The following GSK3B variants were observed in gnomAD, a reference collection of about 807,000 sequenced individuals.
GSK3B encodes glycogen synthase kinase 3 beta.
Under a neutral mutation model 56.4 loss-of-function variants are expected in GSK3B, and 15 were observed. The ratio of observed to expected loss-of-function variants is 0.27; its 90% CI spans 0.18 to 0.41. GSK3B has a LOEUF of 0.41. Ranked by LOEUF, GSK3B falls within the 10% of genes least tolerant of loss-of-function variation. GSK3B has a pLI of 1.00. For synonymous variants in GSK3B, 181 were observed against 188.9 expected (o/e 0.96, Z 0.34); for missense variants, 300 against 513.4 (o/e 0.58, Z 4.02).
chr3:119,849,872 A>G (rs2055903579), intron 9 of GSK3B, among the ~76,000 whole-genome samples: 1 of 151,972 alleles, frequency 6.6e-6, no homozygotes, highest in Non-Finnish European at 1.5e-5. Context: ...CTGGAGTACA[A>G]TGATGTGATC....
In GSK3B at chr3:119,936,404, T is replaced by TTACC. The variant is rs376065674; in HGVS notation, c.366+10863_366+10864insGGTA. Among the ~76,000 whole-genome samples, 162 of 149,106 alleles carry TTACC rather than the reference T, an allele frequency of 1.1e-3. 1 individual carries two copies. Among genetic ancestry groups the TTACC allele is most frequent in the African/African-American group, 4.0e-3 (159 of 39,862 alleles). On this transcript the variant is annotated intron_variant, in intron 3 of 10. Transcript: ENST00000264235. The stretch of plus-strand genomic sequence containing the variant: ...CTCTGTCACCCAGGCTGGAGTGCAG[T>TTACC]GGTAGGATCTCAGCTCACTTCAACC...
At chr3:120,068,756 G>A (rs1000066786) in intron 1 of GSK3B, among the ~76,000 whole-genome samples, 5 of 150,460 alleles carry the variant, frequency 3.3e-5, no homozygotes, top group African/African-American at 1.2e-4. Flanking sequence ...TAGTAGTAAC[G>A]GTATAGAAAA....
At chr3:119,835,081 T>C (rs1312940699) in intron 10 of GSK3B, among the ~76,000 whole-genome samples, 1 of 152,182 alleles carries the variant, frequency 6.6e-6, no homozygotes, top group Non-Finnish European at 1.5e-5. Context: ...AGGAAATGGA[T>C]GCAACACTGT....
intron 2 of GSK3B, among the ~76,000 whole-genome samples, chr3:119,960,640 C>G (rs1008616069): frequency 6.6e-6 from 1 of 152,130 alleles, no homozygotes; most frequent in African/African-American, 2.4e-5. Context: ...TGAATATCAG[C>G]CCCCCTCACA....
rs543825149 is a variant in GSK3B at position 120,091,535 on chromosome 3, G to A, written c.88+1812C>T. ...TCCCAAAATGTAGCATTATAATCTA[G>A]CATTACAGATCTCTGAAATAAAGCT... is the stretch of plus-strand genomic sequence containing the variant. On this transcript the variant is annotated intron_variant, in intron 1 of 10. Transcript: ENST00000264235. Among the ~76,000 whole-genome samples the A allele has an allele frequency of 3.9e-5, 6 of 152,190 alleles. No individual in the cohort carries two copies. The South Asian group carries it at 1.0e-3, about 26-fold the overall frequency.
chr3:120,077,796 G>A (rs993324285), intron 1 of GSK3B, among the ~76,000 whole-genome samples: 2 of 151,750 alleles, frequency 1.3e-5, no homozygotes, highest in South Asian at 4.2e-4. Context: ...TAAATTAATT[G>A]CTTACTATTG....
intron 1 of GSK3B, among the ~76,000 whole-genome samples, chr3:120,053,516 T>C (rs562215012): frequency 4.9e-4 from 74 of 152,294 alleles, no homozygotes; most frequent in African/African-American, 1.8e-3. Flanking sequence ...GGGACTACTA[T>C]TGCTAGGACC....
At chr3:120,089,784 A>T (rs996258615) in intron 1 of GSK3B, among the ~76,000 whole-genome samples, 7 of 152,226 alleles carry the variant, frequency 4.6e-5, no homozygotes, top group African/African-American at 1.7e-4. Flanking sequence ...ATGGAGTAAA[A>T]TATCATGTGA....
At chr3:119,967,122 AGGCTGGAGTGCAGT>A (rs1052549055) in intron 2 of GSK3B, among the ~76,000 whole-genome samples, 207 of 151,966 alleles carry the variant, frequency 1.4e-3, no homozygotes, top group African/African-American at 4.5e-3. Context: ...TCTGTTGCCC[AGGCTGGAGTGCAGT>A]GGCCTGAACT....
chr3:120,055,433 C>T lies in GSK3B; in HGVS notation c.88+37914G>A, dbSNP rs143052535. Among the ~76,000 whole-genome samples, 82 of 152,148 alleles carry T rather than the reference C, an allele frequency of 5.4e-4. No homozygotes were observed. In the East Asian group the frequency reaches 0.011, roughly 21 times the overall value. ...TCAATATCACTTTTCATATTCAAAG[C>T]GACAAAATATTCTTTTTTGGTTTAT... is the stretch of plus-strand genomic sequence containing the variant. On this transcript the variant is annotated intron_variant, in intron 1 of 10. Transcript: ENST00000264235.
intron 8 of GSK3B, among the ~76,000 whole-genome samples, chr3:119,865,726 C>T (rs1027976765): frequency 1.4e-4 from 22 of 151,866 alleles, no homozygotes; most frequent in African/African-American, 5.1e-4. Flanking sequence ...GCCTCGGCCT[C>T]CCAAAGTGCT....
chr3:120,041,260 G>A, intron 1 of GSK3B: 1 of 254,970 alleles, frequency 3.9e-6, no homozygotes, highest in Non-Finnish European at 8.1e-6. Flanking sequence ...AAGCAGCTGG[G>A]CATCCCTGCA....
At chr3:119,963,561 T>C (rs2107507872) in intron 2 of GSK3B, among the ~76,000 whole-genome samples, 1 of 134,392 alleles carries the variant, frequency 7.4e-6, no homozygotes, top group South Asian at 2.2e-4. Context: ...GAGATTGCAG[T>C]GAGCTGAAAT....
At chr3:119,898,846 GCAA>G (rs72200876) in intron 7 of GSK3B, among the ~76,000 whole-genome samples, 3,545 of 152,218 alleles carry the variant, frequency 0.023, 129 homozygotes, top group African/African-American at 0.081. Flanking sequence ...GAGATTAAAA[GCAA>G]CAACAATTAA....
chr3:119,936,324 A>AAT (rs1232541734), intron 3 of GSK3B, among the ~76,000 whole-genome samples: 1 of 143,750 alleles, frequency 7.0e-6, no homozygotes, highest in African/African-American at 2.6e-5. Context: ...TAAAAATATA[A>AAT]ATATATATAA....
chr3:119,849,211 C>T (rs1164616476), intron 9 of GSK3B, among the ~76,000 whole-genome samples: 2 of 152,142 alleles, frequency 1.3e-5, no homozygotes, highest in Non-Finnish European at 2.9e-5. Flanking sequence ...AAAATCCAAC[C>T]ATCCATCAAC....
chr3:120,082,679 C>A (rs2058431586), intron 1 of GSK3B, among the ~76,000 whole-genome samples: 1 of 151,940 alleles, frequency 6.6e-6, no homozygotes, highest in Non-Finnish European at 1.5e-5. Flanking sequence ...CAGGCATGAG[C>A]CACCGCGCCC....
At chr3:119,964,828 G>A (rs1247194743) in intron 2 of GSK3B, among the ~76,000 whole-genome samples, 1 of 152,142 alleles carries the variant, frequency 6.6e-6, no homozygotes, top group East Asian at 1.9e-4. Flanking sequence ...ATAGATATAT[G>A]TTTATTATCT....
chr3:119,965,632 A>C (rs1417779027), intron 2 of GSK3B, among the ~76,000 whole-genome samples: 3 of 152,192 alleles, frequency 2.0e-5, no homozygotes, highest in Non-Finnish European at 4.4e-5. Context: ...TTCTGGTCCA[A>C]ATTCATCGAA....
Sources: gnomAD v4.1 joint callset for allele counts (sites outside exome capture counted in the v4.1 genomes callset) on GRCh38, gnomAD v4.1.1 for gene constraint, MANE v1.5 for transcripts, NCBI Gene and HGNC (gene_info 2026-07-23, HGNC 2026-07-21) for gene names.